EBF3: variants seen among roughly 807,000 people sequenced by gnomAD.
EBF3 encodes EBF transcription factor 3, also known as transcription factor COE3.
A neutral mutation model predicts 77.1 loss-of-function variants in EBF3; 18 were observed. The observed-to-expected ratio is 0.23, with a 90% confidence interval of 0.16 to 0.35. The LOEUF is 0.35. EBF3 is among the 10% of genes least tolerant of loss of function. The pLI is 1.00. For missense variants in EBF3, 558 were observed against 860.0 expected (o/e 0.65, Z 4.39); for synonymous variants, 350 against 343.5 (o/e 1.02, Z -0.21).
chr10:129,844,263 T>TA (rs1350547129), intron 11 of EBF3, among the ~76,000 whole-genome samples: 2 of 152,274 alleles, frequency 1.3e-5, no homozygotes, highest in East Asian at 3.9e-4. Context: ...GAGGTGTGTC[T>TA]ACATCTGGGC....
rs370246695 is a variant in EBF3 at position 129,861,050 on chromosome 10, C to T, written c.1039+6091G>A. Among the ~76,000 whole-genome samples, 1 of 152,224 alleles carries T rather than the reference C, an allele frequency of 6.6e-6. No individual in the cohort carries two copies. The highest frequency in any genetic ancestry group is 2.4e-5 in the African/African-American group (1 of 41,468). ...CAGGAAAGAGAGGGGACAGCAGTGACCCTGGAAGCCCTCCCGGCCCCACTC... is the reference window on the plus strand; with the variant it reads ...CAGGAAAGAGAGGGGACAGCAGTGATCCTGGAAGCCCTCCCGGCCCCACTC... On this transcript the variant is annotated intron_variant, in intron 10 of 16. Transcript: ENST00000440978. The surrounding 1 kb of genome is among the most constrained non-coding windows in gnomAD (Gnocchi z 4.3).
chr10:129,888,761 T>C (rs1853798156), intron 6 of EBF3, among the ~76,000 whole-genome samples: 1 of 152,224 alleles, frequency 6.6e-6, no homozygotes, highest in Admixed American at 6.5e-5. Context: ...ATGAAGAACA[T>C]TTGGCAACAG....
intron 6 of EBF3, among the ~76,000 whole-genome samples, chr10:129,950,189 A>G (rs567807772): frequency 4.4e-4 from 67 of 152,168 alleles, no homozygotes; most frequent in Middle Eastern, 3.4e-3. Flanking sequence ...ATGTCCTACA[A>G]CAACACAACC....
chr10:129,945,542 A>G (rs191329606), intron 6 of EBF3, among the ~76,000 whole-genome samples: 11 of 152,320 alleles, frequency 7.2e-5, no homozygotes, highest in African/African-American at 2.6e-4. Context: ...GAACCTAATG[A>G]GTTTACTAAA....
chr10:129,897,654 C>T lies in EBF3; in HGVS notation c.555-19805G>A, dbSNP rs1399883866. Among the ~76,000 whole-genome samples, 1 of 152,146 alleles carries T rather than the reference C, an allele frequency of 6.6e-6. No individual in the cohort carries two copies. The highest frequency in any genetic ancestry group is 2.4e-5 in the African/African-American group (1 of 41,420). ...CTGCCCACTGTGCCTGCCTCAGAGC[C>T]CTGACGGACAGCTGACATTCTCCTA... On this transcript the variant is annotated intron_variant, in intron 6 of 16. Transcript: ENST00000440978. This position sits in a 1 kb window ranked among gnomAD's most constrained non-coding sequence, Gnocchi z 4.6.
intron 6 of EBF3, among the ~76,000 whole-genome samples, chr10:129,896,063 T>C (rs920278548): frequency 1.3e-5 from 2 of 149,528 alleles, no homozygotes; most frequent in African/African-American, 2.5e-5. Context: ...TGACTTTAAT[T>C]AGCAAAGTCC....
intron 8 of EBF3, among the ~76,000 whole-genome samples, 196 bp from the exon 9 acceptor site, chr10:129,868,108 G>A (rs1007641986): frequency 1.2e-4 from 19 of 152,260 alleles, no homozygotes; most frequent in Non-Finnish European, 2.8e-4. Context: ...TAAAGGAAAG[G>A]CCGAGCTGCG....
intron 3 of EBF3, among the ~76,000 whole-genome samples, chr10:129,962,546 G>A (rs1859608045): frequency 6.6e-6 from 1 of 151,486 alleles, no homozygotes; most frequent in South Asian, 2.1e-4. Flanking sequence ...AGCACCAAAT[G>A]GAAACTGAGT....
rs1030381663 is a variant in EBF3, at chr10:129,908,839, C to T, written c.555-30990G>A. On this transcript the variant is annotated intron_variant, in intron 6 of 16. Coordinates refer to ENST00000440978, the MANE Select transcript of EBF3 (RefSeq NM_001375380.1). ...GCAAGGCCACCATTTTTTTAGGATGCGAGTGATCCAGTTTACACCAATAAG... is the reference window on the plus strand; with the variant it reads ...GCAAGGCCACCATTTTTTTAGGATGTGAGTGATCCAGTTTACACCAATAAG... 1.6e-4 allele frequency among the ~76,000 whole-genome samples: 25 copies of T among 152,280 alleles called. 2 individuals carry two copies. The East Asian group carries it at 2.5e-3, about 15-fold the overall frequency.
Position 129,938,669 on chromosome 10 carries a change from C to T in EBF3, c.554+18589G>A, listed in dbSNP as rs1250902808. Among the ~76,000 whole-genome samples, 1 of 152,252 alleles carries T rather than the reference C, an allele frequency of 6.6e-6. No individual in the cohort carries two copies. The highest frequency in any genetic ancestry group is 1.9e-4 in the East Asian group (1 of 5,194). On this transcript the variant is annotated intron_variant, in intron 6 of 16. Coordinates refer to ENST00000440978, the MANE Select transcript of EBF3 (RefSeq NM_001375380.1). This position sits in a 1 kb window ranked among gnomAD's most constrained non-coding sequence, Gnocchi z 5.1. ...CGAGCAGAACGCTCCTCCTCCTTGG[C>T]TGTTGTCCACGAGAAAGGTGCGGCT...
chr10:129,954,401 A>G (rs1450114670), intron 6 of EBF3, among the ~76,000 whole-genome samples: 1 of 151,144 alleles, frequency 6.6e-6, no homozygotes, highest in African/African-American at 2.5e-5. Context: ...GTAATGGGAA[A>G]CAGCCTCACT....
At chr10:129,854,440 T>C (rs1851104897) in intron 10 of EBF3, among the ~76,000 whole-genome samples, 1 of 152,164 alleles carries the variant, frequency 6.6e-6, no homozygotes, top group African/African-American at 2.4e-5. Flanking sequence ...AGATGGGTTT[T>C]TGCTTTCATA....
chr10:129,937,961 G>A (rs1445135550), intron 6 of EBF3, among the ~76,000 whole-genome samples: 1 of 152,194 alleles, frequency 6.6e-6, no homozygotes, highest in Non-Finnish European at 1.5e-5. Flanking sequence ...TTTCTTTTAA[G>A]TAGGCACATG....
At chr10:129,849,162 G>A (rs1850680224) in intron 10 of EBF3, among the ~76,000 whole-genome samples, 1 of 152,180 alleles carries the variant, frequency 6.6e-6, no homozygotes, top group South Asian at 2.1e-4. Flanking sequence ...CATGAATCAC[G>A]GCCGGGACTC....
At chr10:129,881,665 G>A (rs1240628759) in intron 6 of EBF3, among the ~76,000 whole-genome samples, 2 of 152,156 alleles carry the variant, frequency 1.3e-5, no homozygotes, top group Non-Finnish European at 2.9e-5. Context: ...TTCTTGGGAG[G>A]GCTGGTTCCA....
rs1858850101 is a variant in EBF3 at position 129,953,854 on chromosome 10, G to C, written c.554+3404C>G. 2.0e-5 allele frequency among the ~76,000 whole-genome samples: 3 copies of C among 152,254 alleles called. No homozygotes were observed. In the South Asian group the frequency reaches 6.2e-4, roughly 31 times the overall value. On this transcript the variant is annotated intron_variant, in intron 6 of 16. Coordinates refer to ENST00000440978, the MANE Select transcript of EBF3 (RefSeq NM_001375380.1). ...CCGGGATGGCACGAGCAAGTGATGG[G>C]AGCCAGAGTGTGGTGTTGGCTTAGC...
intron 6 of EBF3, among the ~76,000 whole-genome samples, chr10:129,951,507 A>C (rs1858679153): frequency 6.6e-6 from 1 of 152,260 alleles, no homozygotes; most frequent in Non-Finnish European, 1.5e-5. Context: ...TCACCCTTGC[A>C]CAGGCAGACG....
intron 6 of EBF3, among the ~76,000 whole-genome samples, chr10:129,901,616 T>C (rs1251487981): frequency 6.6e-6 from 1 of 152,224 alleles, no homozygotes; most frequent in Admixed American, 6.5e-5. Context: ...CAGTTCTCAG[T>C]AAATAAAACA....
At chr10:129,852,631 A>G (rs889616093) in intron 10 of EBF3, among the ~76,000 whole-genome samples, 2 of 152,238 alleles carry the variant, frequency 1.3e-5, no homozygotes, top group African/African-American at 4.8e-5. Context: ...AGACCTGAAT[A>G]GCAAGTCCGT....
Sources: allele counts gnomAD v4.1 joint callset (sites outside exome capture counted in the v4.1 genomes callset), GRCh38; gene constraint gnomAD v4.1.1; non-coding constraint Gnocchi (gnomAD v3.1); transcripts MANE v1.5; gene names NCBI Gene and HGNC (gene_info 2026-07-23, HGNC 2026-07-21).